ANK1: variants seen among roughly 807,000 people sequenced by gnomAD.
The protein encoded by ANK1 is ankyrin 1, also known as ankyrin-1.
A neutral mutation model predicts 210.4 loss-of-function variants in ANK1; 51 were observed. The ratio of observed to expected loss-of-function variants is 0.24; its 90% confidence interval spans 0.19 to 0.31. The LOEUF (loss-of-function observed/expected upper bound fraction) is 0.31. Among genes scored for constraint, ANK1 ranks in the 10% least tolerant of loss-of-function variants. The pLI is 1.00. For synonymous variants in ANK1, 967 were observed against 1,025.9 expected, an observed-to-expected ratio of 0.94 and a Z score of 1.10; for missense variants, 2,051 against 2,504.4, an observed-to-expected ratio of 0.82 and a Z score of 3.86.
intron 1 of ANK1, among the ~76,000 whole-genome samples, chr8:41,839,438 C>T (rs1243142805): frequency 6.6e-6 from 1 of 152,246 alleles, no homozygotes; most frequent in African/African-American, 2.4e-5. Context: ...GCTCAGAGGC[C>T]ATTGTGAAGC....
At chr8:41,879,159 A>G (rs1415013511) in intron 1 of ANK1, among the ~76,000 whole-genome samples, 2 of 152,320 alleles carry the variant, frequency 1.3e-5, no homozygotes, top group East Asian at 1.9e-4. Context: ...GAAATCAGAC[A>G]TGTGTTCCTG....
At position 41,697,971 on chromosome 8, in the gene ANK1, C is replaced by T. The variant is rs138638346; in HGVS notation, c.2637+72G>A. ...TGCCTATTGTGCTACGTACAGGCCACCCCTCAACAATCACTGTCCCAGGGT... is the reference window on the plus strand; with the variant it reads ...TGCCTATTGTGCTACGTACAGGCCATCCCTCAACAATCACTGTCCCAGGGT... On this transcript the variant is annotated intron_variant, in intron 24 of 42. Transcript: ENST00000289734. 2,855 of 1,443,554 alleles carry T rather than the reference C, an allele frequency of 2.0e-3. 15 individuals carry two copies. Among genetic ancestry groups the T allele is most frequent in the South Asian group, 9.4e-3 (810 of 85,906 alleles). The allele number at this position is 1,443,554 out of a possible 1,614,324, so 89.4% of individuals were successfully genotyped here.
chr8:41,673,044 G>C, intron 37 of ANK1, 132 bp from the exon 38 acceptor site: 2 of 991,728 alleles, frequency 2.0e-6, no homozygotes, highest in African/African-American at 3.2e-5. Flanking sequence ...ATTCGGGGTG[G>C]GTTGGGGGCT....
chr8:41,690,052 C>T lies in ANK1; in HGVS notation c.4104+175G>A, dbSNP rs1435721654. On this transcript the variant is annotated intron_variant, in intron 33 of 42. Coordinates refer to ENST00000289734, the MANE Select transcript of ANK1 (RefSeq NM_000037.4). ...AGAGAGGGCCAGGGCATGGTCTCCC[C>T]GCCAGGCCACAACATGAGCATGTGG... 2.6e-5 allele frequency among the ~76,000 whole-genome samples: 4 copies of T among 152,234 alleles called. 1 individual carries two copies. The highest frequency in any genetic ancestry group is 3.8e-4 in the East Asian group (2 of 5,198).
intron 1 of ANK1, among the ~76,000 whole-genome samples, chr8:41,891,879 T>C (rs576301583): frequency 1.3e-4 from 20 of 152,340 alleles, no homozygotes; most frequent in Admixed American, 9.8e-4. Context: ...ATAATTCACA[T>C]GCAATACAAC....
chr8:41,860,804 A>G (rs1813126060), intron 1 of ANK1, among the ~76,000 whole-genome samples: 1 of 152,302 alleles, frequency 6.6e-6, no homozygotes, highest in East Asian at 1.9e-4. Context: ...GTGGGGGCCA[A>G]ATGAAAAACC....
intron 1 of ANK1, among the ~76,000 whole-genome samples, chr8:41,877,674 A>C (rs2150829256): frequency 6.6e-6 from 1 of 152,368 alleles, no homozygotes; most frequent in African/African-American, 2.4e-5. Flanking sequence ...ATAGTGAAGA[A>C]AATGAAACAA....
chr8:41,678,869 C>T (rs1295275029), intron 37 of ANK1, among the ~76,000 whole-genome samples: 5 of 152,160 alleles, frequency 3.3e-5, no homozygotes, highest in Non-Finnish European at 1.5e-5. Flanking sequence ...CTGCCACCTC[C>T]GCCTCCTGAG....
intron 1 of ANK1, among the ~76,000 whole-genome samples, chr8:41,780,091 A>G (rs1032569724): frequency 2.6e-5 from 4 of 152,220 alleles, no homozygotes; most frequent in African/African-American, 9.6e-5. Flanking sequence ...TGCTGAGGCC[A>G]ATGGAAGGAT....
intron 4 of ANK1, 98 bp from the exon 5 acceptor site, chr8:41,727,446 C>A (rs1830999130): frequency 1.2e-6 from 1 of 860,584 alleles, no homozygotes. Context: ...GCGCTCTCTT[C>A]ATTCCATTTC....
chr8:41,745,733 A>C (rs995645730), intron 2 of ANK1, among the ~76,000 whole-genome samples: 1 of 151,998 alleles, frequency 6.6e-6, no homozygotes, highest in Non-Finnish European at 1.5e-5. Flanking sequence ...GGGTCTTGCT[A>C]TGTTGCCCAG....
intron 38 of ANK1, 53 bp from the exon 39 acceptor site, chr8:41,668,617 C>G: frequency 6.4e-7 from 1 of 1,554,202 alleles, no homozygotes; most frequent in South Asian, 1.2e-5. Context: ...GAAAAGACAC[C>G]TGGTCACCCA....
chr8:41,710,169 T>C (rs1472336788), intron 16 of ANK1, among the ~76,000 whole-genome samples: 3 of 152,212 alleles, frequency 2.0e-5, no homozygotes, highest in African/African-American at 7.2e-5. Flanking sequence ...CTTATCTCCC[T>C]GCAGGCAAGA....
At position 41,684,554 on chromosome 8, in the gene ANK1, G is replaced by T. The variant is rs752538994; in HGVS notation, c.4527C>A (p.Ser1509=). Residue 1509 remains serine (S), a synonymous_variant, in exon 37 of 43, where the codon TCC becomes TCA. Coordinates refer to ENST00000289734, the MANE Select transcript of ANK1 (RefSeq NM_000037.4). ...CCAGGTGACACTCACCATTCATCTG[G>T]GAGGGTGACAGCGAGTAGTCGCGGT... The part of the protein sequence containing the change: ...HTDRDYSLSP[S]QMNGYSSLQD... The T allele has an allele frequency of 6.2e-7, 1 of 1,613,792 alleles. No individual in the cohort carries two copies. The highest frequency in any genetic ancestry group is 1.1e-5 in the South Asian group (1 of 91,090).
At chr8:41,850,476 C>T (rs1446163975) in intron 1 of ANK1, among the ~76,000 whole-genome samples, 2 of 152,082 alleles carry the variant, frequency 1.3e-5, no homozygotes, top group Non-Finnish European at 1.5e-5. Flanking sequence ...TTAATCTGTA[C>T]TTATGAATTT....
chr8:41,769,200 C>A (rs1842505888), intron 1 of ANK1, among the ~76,000 whole-genome samples: 1 of 152,210 alleles, frequency 6.6e-6, no homozygotes, highest in African/African-American at 2.4e-5. Context: ...TGTGAGAATT[C>A]TCCAGGCATA....
chr8:41,794,266 CCTCCTCCTG>C, intron 1 of ANK1, among the ~76,000 whole-genome samples: 1 of 152,352 alleles, frequency 6.6e-6, no homozygotes, highest in East Asian at 1.9e-4. Context: ...TCTGACCTCA[CCTCCTCCTG>C]CTCCTCCTGC....
chr8:41,681,671 ACCAGGTCAGG>A lies in ANK1; in HGVS notation c.4537+2863_4537+2872del, dbSNP rs149153723. Among the ~76,000 whole-genome samples the A allele has an allele frequency of 1.9e-3, 290 of 150,428 alleles. 1 individual carries two copies. The highest frequency in any genetic ancestry group is 7.1e-3 in the African/African-American group (282 of 39,802). ...CATCAGTGCATTGGGCTGGTTGGGC[ACCAGGTCAGG>A]CCATCACGAGCCCTGCCCAGGGAAG... On this transcript the variant is annotated intron_variant, in intron 37 of 42. Transcript: ENST00000289734.
At chr8:41,661,638 G>A (rs1808241502) in intron 41 of ANK1, 74 bp from the exon 42 acceptor site, 3 of 1,607,992 alleles carry the variant, frequency 1.9e-6, no homozygotes, top group Admixed American at 3.3e-5. Context: ...AGATCGAAAG[G>A]AGGCCACACG....
Sources: allele counts gnomAD v4.1 joint callset (sites outside exome capture counted in the v4.1 genomes callset), GRCh38; gene constraint gnomAD v4.1.1; transcripts MANE v1.5; gene names NCBI Gene and HGNC (gene_info 2026-07-23, HGNC 2026-07-21).